The following OXR1 variants were observed in gnomAD, a reference collection of about 807,000 sequenced individuals.
The protein encoded by OXR1 is oxidation resistance protein 1.
A neutral mutation model predicts 104.6 loss-of-function variants in OXR1; 41 were observed. The observed-to-expected ratio is 0.39, with a 90% confidence interval of 0.31 to 0.51. OXR1 has a LOEUF of 0.51. Among genes scored for constraint, OXR1 ranks in the 20% least tolerant of loss-of-function variants. OXR1 has a pLI of 0.77. For synonymous variants in OXR1, 348 were observed against 348.4 expected, an observed-to-expected ratio of 1.00 and a Z score of 0.01; for missense variants, 955 against 1,031.9, an observed-to-expected ratio of 0.93 and a Z score of 1.02.
At chr8:106,656,640 A>T (rs534427618) in intron 3 of OXR1, among the ~76,000 whole-genome samples, 1 of 152,146 alleles carries the variant, frequency 6.6e-6, no homozygotes, top group South Asian at 2.1e-4. Context: ...GGGTATGCAG[A>T]TTCTCCTGGG....
At chr8:106,646,741 T>G (rs1824117875) in intron 3 of OXR1, among the ~76,000 whole-genome samples, 1 of 152,228 alleles carries the variant, frequency 6.6e-6, no homozygotes, top group African/African-American at 2.4e-5. Context: ...CACTCTCTAC[T>G]GCAACCTCAA....
chr8:106,401,698 T>C (rs556277307), intron 2 of OXR1, among the ~76,000 whole-genome samples: 95 of 152,262 alleles, frequency 6.2e-4, no homozygotes, highest in Middle Eastern at 3.4e-3. Context: ...AGAAGAGATA[T>C]CACAGCATGC....
chr8:106,507,244 ATACTT>A (rs1253614693), intron 2 of OXR1, among the ~76,000 whole-genome samples: 2 of 152,226 alleles, frequency 1.3e-5, no homozygotes, highest in Non-Finnish European at 2.9e-5. Flanking sequence ...ATCATGCTGA[ATACTT>A]TATCTGGATG....
chr8:106,564,675 A>G (rs1213557485), intron 3 of OXR1, among the ~76,000 whole-genome samples: 1 of 152,166 alleles, frequency 6.6e-6, no homozygotes, highest in Non-Finnish European at 1.5e-5. Context: ...GCAGAGAAAA[A>G]ACATAAAAAG....
intron 1 of OXR1, among the ~76,000 whole-genome samples, chr8:106,306,571 A>T (rs1050820366): frequency 2.6e-5 from 4 of 152,200 alleles, no homozygotes; most frequent in African/African-American, 9.6e-5. Context: ...TATTCATAAA[A>T]TGGAATACTA....
chr8:106,466,427 T>G (rs972598), intron 2 of OXR1, among the ~76,000 whole-genome samples: 12,064 of 151,936 alleles, frequency 0.079, 521 homozygotes, highest in Non-Finnish European at 0.088. Context: ...TAGTTTACAT[T>G]AAACTAGTGT....
chr8:106,547,470 T>C (rs1815447230), intron 3 of OXR1, among the ~76,000 whole-genome samples: 1 of 150,686 alleles, frequency 6.6e-6, no homozygotes, highest in South Asian at 2.1e-4. Context: ...GTACAATGTG[T>C]TAGAATTTCC....
At chr8:106,701,330 A>C (rs1239298339) in intron 7 of OXR1, among the ~76,000 whole-genome samples, 1 of 152,172 alleles carries the variant, frequency 6.6e-6, no homozygotes, top group Non-Finnish European at 1.5e-5. Context: ...ATCCGCAGTA[A>C]CTTTTTTTCA....
chr8:106,628,250 T>C (rs1822344282), intron 3 of OXR1, among the ~76,000 whole-genome samples: 1 of 152,190 alleles, frequency 6.6e-6, no homozygotes, highest in African/African-American at 2.4e-5. Flanking sequence ...AAGGGTTCGA[T>C]GATAAAATAT....
chr8:106,718,418 T>A (rs1832473445), intron 11 of OXR1, among the ~76,000 whole-genome samples: 1 of 152,244 alleles, frequency 6.6e-6, no homozygotes, highest in South Asian at 2.1e-4. Flanking sequence ...TAAAAGTTCC[T>A]AATGATAAAT....
chr8:106,530,148 C>T (rs1241868998), intron 3 of OXR1, among the ~76,000 whole-genome samples: 1 of 152,306 alleles, frequency 6.6e-6, no homozygotes. Flanking sequence ...AATATGTCTA[C>T]ATTTCCCAAT....
chr8:106,287,979 C>T (rs1286694480), intron 1 of OXR1, among the ~76,000 whole-genome samples: 1 of 152,138 alleles, frequency 6.6e-6, no homozygotes, highest in Non-Finnish European at 1.5e-5. Context: ...AACTTCTGTG[C>T]GATGGAGTTT....
chr8:106,638,753 C>T (rs1563660731), intron 3 of OXR1, among the ~76,000 whole-genome samples: 1 of 152,014 alleles, frequency 6.6e-6, no homozygotes, highest in African/African-American at 2.4e-5. Flanking sequence ...ATTAGCTGGG[C>T]GTGGTGGCAC....
intron 3 of OXR1, among the ~76,000 whole-genome samples, chr8:106,676,322 T>A (rs1827588531): frequency 1.3e-5 from 2 of 152,144 alleles, no homozygotes; most frequent in African/African-American, 4.8e-5. Flanking sequence ...AGGTTAGTAT[T>A]GTTATGTGTG....
At chr8:106,617,063 C>A (rs1371102570) in intron 3 of OXR1, among the ~76,000 whole-genome samples, 1 of 152,212 alleles carries the variant, frequency 6.6e-6, no homozygotes, top group African/African-American at 2.4e-5. Flanking sequence ...AGTTTAAGGA[C>A]ATAAACAGTA....
At chr8:106,489,589 A>G (rs1810939583) in intron 2 of OXR1, among the ~76,000 whole-genome samples, 1 of 152,134 alleles carries the variant, frequency 6.6e-6, no homozygotes, top group Non-Finnish European at 1.5e-5. Flanking sequence ...CTGTATTGAT[A>G]TGTTTGGAAT....
chr8:106,479,013 C>T (rs1821958332), intron 2 of OXR1, among the ~76,000 whole-genome samples: 1 of 151,842 alleles, frequency 6.6e-6, no homozygotes, highest in Non-Finnish European at 1.5e-5. Flanking sequence ...AGATATCCTC[C>T]ATTAAATACT....
chr8:106,609,408 A>G (rs1820647037), intron 3 of OXR1, among the ~76,000 whole-genome samples: 1 of 152,188 alleles, frequency 6.6e-6, no homozygotes, highest in Admixed American at 6.5e-5. Flanking sequence ...GCCCTCATGG[A>G]TTCTAAGTAG....
intron 3 of OXR1, among the ~76,000 whole-genome samples, chr8:106,639,414 A>G (rs926380484): frequency 6.6e-6 from 1 of 152,166 alleles, no homozygotes; most frequent in Non-Finnish European, 1.5e-5. Context: ...CATGTAAAAA[A>G]CTGCAGACAA....
Sources: allele counts gnomAD v4.1 joint callset (sites outside exome capture counted in the v4.1 genomes callset), GRCh38; gene constraint gnomAD v4.1.1; transcripts MANE v1.5; gene names NCBI Gene and HGNC (gene_info 2026-07-23, HGNC 2026-07-21).